The following PPM1L variants were observed in gnomAD, a reference collection of about 807,000 sequenced individuals.
The protein encoded by PPM1L is protein phosphatase, Mg2+/Mn2+ dependent 1L, also known as protein phosphatase 1L.
In PPM1L, 13 loss-of-function variants were observed where a neutral mutation model predicts 31.4. The observed-to-expected ratio is 0.41, with a 90% CI of 0.27 to 0.66. PPM1L has a LOEUF of 0.66. Among genes scored for constraint, PPM1L ranks in the 30% least tolerant of loss-of-function variants. The pLI, the probability that PPM1L is intolerant of heterozygous loss-of-function variation, is 0.29. For missense variants in PPM1L, 326 were observed against 453.7 expected (o/e 0.72, Z 2.56); for synonymous variants, 184 against 175.4 (o/e 1.05, Z -0.39).
intron 2 of PPM1L, among the ~76,000 whole-genome samples, chr3:160,972,011 T>C (rs930276807): frequency 2.0e-5 from 3 of 152,098 alleles, no homozygotes; most frequent in Non-Finnish European, 4.4e-5. Flanking sequence ...CAAGTGATCC[T>C]CCCACCTTGG....
intron 1 of PPM1L, among the ~76,000 whole-genome samples, chr3:160,874,738 C>T (rs1443997684): frequency 6.6e-6 from 1 of 152,196 alleles, no homozygotes; most frequent in Admixed American, 6.5e-5. Context: ...GTGATACAAC[C>T]TCCTCCTGGT....
intron 2 of PPM1L, among the ~76,000 whole-genome samples, chr3:161,058,401 A>C (rs962986169): frequency 2.6e-5 from 4 of 152,020 alleles, no homozygotes; most frequent in Non-Finnish European, 5.9e-5. Context: ...CTGGGATTAC[A>C]GGCATGAGCC....
At chr3:160,790,319 T>C (rs1303377599) in intron 1 of PPM1L, among the ~76,000 whole-genome samples, 2 of 152,188 alleles carry the variant, frequency 1.3e-5, no homozygotes, top group Admixed American at 1.3e-4. Context: ...TTACTAATAT[T>C]CTTGTTCCTC....
At chr3:160,864,478 C>A (rs542891764) in intron 1 of PPM1L, among the ~76,000 whole-genome samples, 1 of 152,272 alleles carries the variant, frequency 6.6e-6, no homozygotes, top group South Asian at 2.1e-4. Flanking sequence ...CGCCCAGTCA[C>A]CCTTGTCTTC....
chr3:160,997,029 GC>G (rs1717346487), intron 2 of PPM1L, among the ~76,000 whole-genome samples: 1 of 152,158 alleles, frequency 6.6e-6, no homozygotes, highest in Non-Finnish European at 1.5e-5. Flanking sequence ...CAGTGGTGGG[GC>G]TAATGGATCA....
At chr3:160,899,826 G>A (rs898123777) in intron 1 of PPM1L, among the ~76,000 whole-genome samples, 3 of 152,154 alleles carry the variant, frequency 2.0e-5, no homozygotes, top group Non-Finnish European at 4.4e-5. Flanking sequence ...GATATTTGAA[G>A]TGAATATTTA....
chr3:161,065,544 G>C lies in PPM1L; in HGVS notation c.716G>C (p.Arg239Thr). Reference protein sequence around the residue: ...HDHKPYQLKERKRIKRAGGFI... With the variant: ...HDHKPYQLKETKRIKRAGGFI... ...CACAAGCCTTACCAGTTGAAGGAAAGAAAGAGGATAAAGAGAGCAGGTGAG... is the reference window on the plus strand; with the variant it reads ...CACAAGCCTTACCAGTTGAAGGAAACAAAGAGGATAAAGAGAGCAGGTGAG... The change falls in exon 3 of 4, where the codon AGA becomes ACA. Residue 239 changes from arginine to threonine, a missense_variant. Physicochemically the swap from Arg to Thr is moderately conservative, Grantham distance 71. Transcript: ENST00000498165. 1.2e-6 allele frequency: 2 copies of C among 1,614,018 alleles called. No individual in the cohort carries two copies. The highest frequency in any genetic ancestry group is 1.1e-5 in the South Asian group (1 of 91,082).
chr3:160,797,557 C>T (rs529990680), intron 1 of PPM1L, among the ~76,000 whole-genome samples: 65 of 152,302 alleles, frequency 4.3e-4, no homozygotes, highest in Middle Eastern at 3.4e-3. Context: ...TGAGACAGGT[C>T]AGAAGCTAAG....
chr3:160,938,586 C>A (rs953803568), intron 1 of PPM1L, among the ~76,000 whole-genome samples: 3 of 152,114 alleles, frequency 2.0e-5, no homozygotes, highest in Admixed American at 6.5e-5. Context: ...CTCATTAACA[C>A]CTCCGAAGTA....
chr3:160,890,777 A>C (rs1481767783), intron 1 of PPM1L, among the ~76,000 whole-genome samples: 3 of 152,196 alleles, frequency 2.0e-5, no homozygotes, highest in Non-Finnish European at 4.4e-5. Flanking sequence ...ACCAAAACAG[A>C]CATATAGACC....
At chr3:160,815,471 A>G (rs1712964593) in intron 1 of PPM1L, among the ~76,000 whole-genome samples, 1 of 151,794 alleles carries the variant, frequency 6.6e-6, no homozygotes, top group Non-Finnish European at 1.5e-5. Context: ...GAGCAGGTAC[A>G]GGGGAGGGGG....
chr3:160,780,237 C>T (rs973155092), intron 1 of PPM1L, among the ~76,000 whole-genome samples: 5 of 152,126 alleles, frequency 3.3e-5, no homozygotes, highest in Non-Finnish European at 7.3e-5. Flanking sequence ...AAGAGCCCTT[C>T]AGCATCTAGC....
chr3:160,813,757 A>G (rs1712885393), intron 1 of PPM1L, among the ~76,000 whole-genome samples: 1 of 152,230 alleles, frequency 6.6e-6, no homozygotes, highest in Non-Finnish European at 1.5e-5. Flanking sequence ...GGTTTCATGC[A>G]TGCATTTAAG....
At chr3:160,895,482 T>C (rs1402709516) in intron 1 of PPM1L, among the ~76,000 whole-genome samples, 2 of 152,182 alleles carry the variant, frequency 1.3e-5, no homozygotes, top group African/African-American at 4.8e-5. Context: ...CCTCCCAAAG[T>C]AATGGGATTA....
chr3:161,002,070 G>C (rs369102724), intron 2 of PPM1L, among the ~76,000 whole-genome samples: 3 of 145,856 alleles, frequency 2.1e-5, no homozygotes, highest in Non-Finnish European at 4.5e-5. Flanking sequence ...TCCCACCTAT[G>C]AGTGAGAATA....
intron 1 of PPM1L, among the ~76,000 whole-genome samples, chr3:160,800,395 T>G (rs1450683288): frequency 6.6e-6 from 1 of 152,136 alleles, no homozygotes; most frequent in Non-Finnish European, 1.5e-5. Flanking sequence ...TCTTTAATAC[T>G]TTTTTCCCCA....
At chr3:160,930,743 A>G (rs1243270238) in intron 1 of PPM1L, among the ~76,000 whole-genome samples, 1 of 152,160 alleles carries the variant, frequency 6.6e-6, no homozygotes, top group African/African-American at 2.4e-5. Flanking sequence ...GTGGGTCTGC[A>G]TGTCACTTTC....
Position 160,802,512 on chromosome 3 carries a change from T to C in PPM1L, c.399+45805T>C, listed in dbSNP as rs921229687. On this transcript the variant is annotated intron_variant, in intron 1 of 3. Coordinates refer to ENST00000498165, the MANE Select transcript of PPM1L (RefSeq NM_139245.4). The stretch of plus-strand genomic sequence containing the variant: ...ATTTGATCGTTAGGAAGAACACTAA[T>C]GTTTATTGAGCGCCGGGCTGGGTAC... Among the ~76,000 whole-genome samples, 7 of 152,214 alleles carry C rather than the reference T, an allele frequency of 4.6e-5. No individual in the cohort carries two copies. In the South Asian group the frequency reaches 1.2e-3, roughly 27 times the overall value.
chr3:160,980,073 GA>G (rs201919574), intron 2 of PPM1L, among the ~76,000 whole-genome samples: 1 of 151,672 alleles, frequency 6.6e-6, no homozygotes, highest in South Asian at 2.1e-4. Flanking sequence ...GGCCTTATTG[GA>G]AAAAAAATAA....
Sources: gnomAD v4.1 joint callset for allele counts (sites outside exome capture counted in the v4.1 genomes callset) on GRCh38, gnomAD v4.1.1 for gene constraint, MANE v1.5 for transcripts, NCBI Gene and HGNC (gene_info 2026-07-23, HGNC 2026-07-21) for gene names.